SOX6: variants seen among roughly 807,000 people sequenced by gnomAD.
SOX6 encodes the protein SRY-box transcription factor 6, also known as transcription factor SOX-6.
A neutral mutation model predicts 97.8 loss-of-function variants in SOX6; 11 were observed. That is an observed-to-expected ratio of 0.11 (90% CI 0.07 to 0.19). The LOEUF (loss-of-function observed/expected upper bound fraction) is 0.19. Among genes scored for constraint, SOX6 ranks in the 10% least tolerant of loss-of-function variants. The pLI, the probability that SOX6 is intolerant of heterozygous loss-of-function variation, is 1.00. For missense variants in SOX6, 810 were observed against 1,039.5 expected, an observed-to-expected ratio of 0.78 and a Z score of 3.04; for synonymous variants, 360 against 371.4, an observed-to-expected ratio of 0.97 and a Z score of 0.35.
chr11:16,116,301 C>A (rs180828650), intron 6 of SOX6, among the ~76,000 whole-genome samples: 16 of 152,148 alleles, frequency 1.1e-4, no homozygotes, highest in African/African-American at 3.4e-4. Flanking sequence ...ATCCTCAAAA[C>A]CCTGTAAGGT....
In SOX6 at chr11:16,267,921, A is replaced by T. The variant is rs750362779; in HGVS notation, c.446-33250T>A. ...AACATGGATGGAATTGGAGAACATC[A>T]TGCTAAGTCAAATAAGCCAAACACA... On this transcript the variant is annotated intron_variant, in intron 3 of 15. Coordinates refer to ENST00000683767, the MANE Select transcript of SOX6 (RefSeq NM_001367873.1). Among the ~76,000 whole-genome samples the T allele has an allele frequency of 4.0e-5, 6 of 151,542 alleles. No individual in the cohort carries two copies. In the Admixed American group the frequency reaches 4.0e-4, roughly 10 times the overall value.
At chr11:16,516,872 C>A (rs531486093) in intron 4 of SOX6, among the ~76,000 whole-genome samples, 107 of 136,752 alleles carry the variant, frequency 7.8e-4, no homozygotes, top group East Asian at 7.6e-3. Flanking sequence ...AGAGACACAA[C>A]CAAAAAAGAG....
chr11:16,113,242 G>C (rs1263062132), intron 6 of SOX6, among the ~76,000 whole-genome samples: 2 of 151,962 alleles, frequency 1.3e-5, no homozygotes, highest in Non-Finnish European at 2.9e-5. Flanking sequence ...GTTAATAAAG[G>C]GCAAGCAAAA....
intron 1 of SOX6, among the ~76,000 whole-genome samples, chr11:16,423,423 C>T (rs1347848406): frequency 6.6e-6 from 1 of 152,068 alleles, no homozygotes; most frequent in African/African-American, 2.4e-5. Flanking sequence ...AAAATAAGAT[C>T]CTTGTGACGT....
chr11:16,028,883 A>G (rs1300072048), intron 12 of SOX6, among the ~76,000 whole-genome samples: 2 of 152,188 alleles, frequency 1.3e-5, no homozygotes, highest in Non-Finnish European at 2.9e-5. Flanking sequence ...CACAAACTTG[A>G]AATATTTACA....
At chr11:16,655,797 C>A (rs1847711981) in intron 3 of SOX6, among the ~76,000 whole-genome samples, 1 of 152,048 alleles carries the variant, frequency 6.6e-6, no homozygotes, top group African/African-American at 2.4e-5. Context: ...ATTCACTCAT[C>A]AGTTCCTCGA....
chr11:16,732,468 C>T (rs766408888), intron 2 of SOX6, among the ~76,000 whole-genome samples: 17 of 152,280 alleles, frequency 1.1e-4, no homozygotes, highest in Non-Finnish European at 2.1e-4. Flanking sequence ...ACGAACCTGA[C>T]ACAAACAAGC....
At chr11:16,229,064 G>C (rs775637011) in intron 4 of SOX6, among the ~76,000 whole-genome samples, 98 of 151,966 alleles carry the variant, frequency 6.4e-4, no homozygotes, top group Non-Finnish European at 1.2e-3. Flanking sequence ...GCTCACACTT[G>C]ACTCTCCTAG....
At chr11:16,715,381 A>T (rs966999225) in intron 2 of SOX6, among the ~76,000 whole-genome samples, 1 of 152,178 alleles carries the variant, frequency 6.6e-6, no homozygotes, top group Admixed American at 6.5e-5. Flanking sequence ...TTTAAATTAC[A>T]TATGTGATTC....
chr11:16,135,657 T>G (rs996885167), intron 6 of SOX6, among the ~76,000 whole-genome samples: 2 of 152,188 alleles, frequency 1.3e-5, no homozygotes, highest in Non-Finnish European at 2.9e-5. Context: ...GATGTGAAGT[T>G]GCGCCTTATA....
At chr11:16,257,939 A>T (rs886113346) in intron 3 of SOX6, among the ~76,000 whole-genome samples, 3 of 152,042 alleles carry the variant, frequency 2.0e-5, no homozygotes, top group African/African-American at 7.2e-5. Context: ...GCAAGTAAAC[A>T]TATGAAAAGA....
intron 4 of SOX6, among the ~76,000 whole-genome samples, chr11:16,497,601 C>T (rs1451508736): frequency 6.6e-6 from 1 of 151,932 alleles, no homozygotes; most frequent in Non-Finnish European, 1.5e-5. Context: ...ACTAGAATAA[C>T]CAATGTACAG....
At chr11:16,253,445 T>C (rs1419467919) in intron 3 of SOX6, among the ~76,000 whole-genome samples, 1 of 152,104 alleles carries the variant, frequency 6.6e-6, no homozygotes, top group East Asian at 1.9e-4. Context: ...TTTTAAAATA[T>C]ATAATTAATA....
intron 13 of SOX6, among the ~76,000 whole-genome samples, chr11:15,994,377 A>C (rs888481366): frequency 6.6e-6 from 1 of 152,024 alleles, no homozygotes. Flanking sequence ...GTTATAAAAA[A>C]AAAAAGCAAA....
intron 3 of SOX6, among the ~76,000 whole-genome samples, chr11:16,263,835 T>TTACAC (rs1853979831): frequency 6.6e-6 from 1 of 151,932 alleles, no homozygotes; most frequent in Admixed American, 6.6e-5. Context: ...TCCTCAAATG[T>TTACAC]TAACAGTTTA....
chr11:16,576,788 A>G (rs905285734), intron 4 of SOX6: 1 of 152,234 alleles, frequency 6.6e-6, no homozygotes, highest in African/African-American at 2.4e-5. Flanking sequence ...ATGATATTAC[A>G]GATATTACAG....
At chr11:16,275,212 C>T (rs1044656230) in intron 3 of SOX6, among the ~76,000 whole-genome samples, 3 of 149,168 alleles carry the variant, frequency 2.0e-5, no homozygotes, top group Admixed American at 6.7e-5. Context: ...GAGCCCGAGG[C>T]GGGCGGATCA....
chr11:16,623,571 T>C (rs1184189702), intron 3 of SOX6, among the ~76,000 whole-genome samples: 1 of 152,210 alleles, frequency 6.6e-6, no homozygotes, highest in Admixed American at 6.5e-5. Flanking sequence ...TTTAATTAAG[T>C]CCCATCTATT....
intron 2 of SOX6, among the ~76,000 whole-genome samples, chr11:16,728,931 C>G (rs1417644658): frequency 1.3e-5 from 2 of 152,124 alleles, no homozygotes; most frequent in African/African-American, 4.8e-5. Flanking sequence ...CTTCATGAAG[C>G]ATACACAAGT....
Sources: allele counts gnomAD v4.1 joint callset (sites outside exome capture counted in the v4.1 genomes callset), GRCh38; gene constraint gnomAD v4.1.1; transcripts MANE v1.5; gene names NCBI Gene and HGNC (gene_info 2026-07-23, HGNC 2026-07-21).